Variants in CRY1 observed in about 807,000 individuals in gnomAD.
CRY1 encodes the protein cryptochrome circadian regulator 1.
In CRY1, 45 loss-of-function variants were observed where a neutral mutation model predicts 76.0. The observed-to-expected ratio is 0.59, with a 90% CI of 0.47 to 0.76. The LOEUF (loss-of-function observed/expected upper bound fraction) is 0.76, where lower values mean the gene tolerates loss of function less well. Ranked by LOEUF, CRY1 falls within the 30% of genes least tolerant of loss-of-function variation. CRY1 has a pLI of 0.00. For missense variants in CRY1, 587 were observed against 716.4 expected, an observed-to-expected ratio of 0.82 and a Z score of 2.06; for synonymous variants, 248 against 244.0, an observed-to-expected ratio of 1.02 and a Z score of -0.15.
chr12:107,001,795 C>A lies in CRY1; in HGVS notation c.564G>T (p.Glu188Asp), dbSNP rs1298408842. The A allele has an allele frequency of 6.4e-7, 1 of 1,572,400 alleles. No homozygotes were observed. Among genetic ancestry groups the A allele is most frequent in the Non-Finnish European group, 8.6e-7 (1 of 1,169,316 alleles). The stretch of plus-strand genomic sequence containing the variant: ...CTTCCAGTGAAGGGACTCCATATTT[C>A]TCATCATGGTCATCAGACAGAGGAG... ...CTTPLSDDHD[E>D]KYGVPSLEEL... Residue 188 changes from glutamate (E) to aspartate (D), a missense_variant, in exon 4 of 13, where the codon GAG becomes GAT. Transcript: ENST00000008527.
intron 1 of CRY1, among the ~76,000 whole-genome samples, chr12:107,032,915 G>A (rs776824959): frequency 2.0e-5 from 3 of 151,972 alleles, no homozygotes; most frequent in Non-Finnish European, 2.9e-5. Flanking sequence ...AAATGATAAA[G>A]AACAGAAATT....
intron 1 of CRY1, among the ~76,000 whole-genome samples, chr12:107,067,774 G>A (rs1367806195): frequency 6.6e-6 from 1 of 152,160 alleles, no homozygotes; most frequent in African/African-American, 2.4e-5. Flanking sequence ...ACAGGAGTCT[G>A]TGACAAGGCT....
At chr12:107,046,391 C>G (rs944865005) in intron 1 of CRY1, among the ~76,000 whole-genome samples, 3 of 151,646 alleles carry the variant, frequency 2.0e-5, no homozygotes, top group Admixed American at 2.0e-4. Context: ...ACTGGTAGAA[C>G]AGATAACACA....
intron 1 of CRY1, among the ~76,000 whole-genome samples, chr12:107,023,895 T>A (rs1435074499): frequency 6.6e-6 from 1 of 152,224 alleles, no homozygotes; most frequent in Non-Finnish European, 1.5e-5. Context: ...TATAAAAGCA[T>A]TGGAGTTTAA....
intron 1 of CRY1, among the ~76,000 whole-genome samples, chr12:107,057,643 A>G (rs1030476475): frequency 6.6e-6 from 1 of 152,068 alleles, no homozygotes; most frequent in African/African-American, 2.4e-5. Context: ...AGGTGGGAGG[A>G]TCACCTGAGT....
intron 2 of CRY1, among the ~76,000 whole-genome samples, chr12:107,012,281 C>CT (rs1952453470): frequency 6.6e-6 from 1 of 152,214 alleles, no homozygotes; most frequent in Non-Finnish European, 1.5e-5. Flanking sequence ...TAGCTGGTGA[C>CT]TTTAAGTTGA....
At chr12:107,059,113 T>C (rs1386660145) in intron 1 of CRY1, among the ~76,000 whole-genome samples, 2 of 152,204 alleles carry the variant, frequency 1.3e-5, no homozygotes, top group South Asian at 2.1e-4. Context: ...TTGGTGTATG[T>C]AACTAAAACA....
At chr12:107,063,144 T>C (rs925881133) in intron 1 of CRY1, among the ~76,000 whole-genome samples, 30 of 152,138 alleles carry the variant, frequency 2.0e-4, no homozygotes, top group Non-Finnish European at 4.1e-4. Context: ...AGACACCATT[T>C]TGGAGTCTTA....
intron 1 of CRY1, among the ~76,000 whole-genome samples, chr12:107,082,254 A>T (rs1328105994): frequency 6.6e-6 from 1 of 152,090 alleles, no homozygotes. Context: ...TAATAGTGGG[A>T]GACTTTAACA....
In CRY1 at chr12:107,016,886, C is replaced by T. The variant is rs137999135; in HGVS notation, c.267+5198G>A. Among the ~76,000 whole-genome samples the T allele has an allele frequency of 1.9e-3, 282 of 152,314 alleles. 4 individuals are homozygous for T. The highest frequency in any genetic ancestry group is 6.5e-3 in the African/African-American group (272 of 41,562). The stretch of plus-strand genomic sequence containing the variant: ...AGTCATCCTTGACTCTCATATATCA[C>T]ATATAGGCAAACCTTACAGCCTCTA... On this transcript the variant is annotated intron_variant, in intron 2 of 12. Coordinates refer to ENST00000008527, the MANE Select transcript of CRY1 (RefSeq NM_004075.5).
intron 1 of CRY1, chr12:107,043,154 A>G (rs953647209): frequency 2.0e-5 from 3 of 152,266 alleles, no homozygotes; most frequent in African/African-American, 7.2e-5. Flanking sequence ...AAGTGGTCCA[A>G]CATCCCCAAG....
At chr12:107,086,549 G>A (rs756589203) in intron 1 of CRY1, among the ~76,000 whole-genome samples, 5 of 152,194 alleles carry the variant, frequency 3.3e-5, no homozygotes, top group Non-Finnish European at 7.3e-5. Context: ...GCTGCCTTGT[G>A]CGGTCTTGAG....
chr12:107,040,143 C>T (rs957165017), intron 1 of CRY1, among the ~76,000 whole-genome samples: 7 of 152,002 alleles, frequency 4.6e-5, no homozygotes, highest in African/African-American at 1.7e-4. Flanking sequence ...GGTATATAAA[C>T]TGGTCAAACT....
At chr12:107,003,196 T>C (rs1320682053) in intron 3 of CRY1, among the ~76,000 whole-genome samples, 1 of 152,194 alleles carries the variant, frequency 6.6e-6, no homozygotes, top group Non-Finnish European at 1.5e-5. Context: ...AAATTTCAAG[T>C]TATTTAAATT....
chr12:107,085,477 G>C (rs1406353070), intron 1 of CRY1, among the ~76,000 whole-genome samples: 1 of 152,164 alleles, frequency 6.6e-6, no homozygotes, highest in Non-Finnish European at 1.5e-5. Flanking sequence ...GGAATATGAA[G>C]CAGCCATAAA....
rs71076707 is a variant in CRY1, at chr12:107,006,638, C to CGTTTTTTTTTTTTTTTTTTTTT, written c.268-1391_268-1390insAAAAAAAAAAAAAAAAAAAAAC. On this transcript the variant is annotated intron_variant, in intron 2 of 12. Transcript: ENST00000008527. Reference sequence around the variant, plus strand: ...CTTGCCAATAATATGTATTAGTAATCTTTTTTTTTTTTTTTTTTAGATGAC... The same window carrying CGTTTTTTTTTTTTTTTTTTTTT: ...CTTGCCAATAATATGTATTAGTAATCGTTTTTTTTTTTTTTTTTTTTTTTTTTTTTTTTTTTTTTTAGATGAC... Among the ~76,000 whole-genome samples, 7 of 137,108 alleles carry CGTTTTTTTTTTTTTTTTTTTTT rather than the reference C, an allele frequency of 5.1e-5. 1 individual carries two copies. Among genetic ancestry groups the CGTTTTTTTTTTTTTTTTTTTTT allele is most frequent in the African/African-American group, 2.8e-5 (1 of 36,072 alleles). 89.9% of individuals were successfully genotyped at this position (137,108 alleles called of 152,430 possible).
In CRY1 at chr12:107,058,214, A is replaced by T. The variant is rs987772334; in HGVS notation, c.158+34590T>A. Among the ~76,000 whole-genome samples the T allele has an allele frequency of 3.3e-5, 5 of 152,304 alleles. No homozygotes were observed. The East Asian group carries it at 9.6e-4, about 29-fold the overall frequency. ...AGCCTATAACTCAGAATAATATAAT[A>T]TTAATAAATGACAGAGAGAATGCAG... is the stretch of plus-strand genomic sequence containing the variant. On this transcript the variant is annotated intron_variant, in intron 1 of 12. Coordinates refer to ENST00000008527, the MANE Select transcript of CRY1 (RefSeq NM_004075.5).
rs115835674 is a variant in CRY1 at position 107,092,791 on chromosome 12, G to C, written c.158+13C>G. The C allele has an allele frequency of 1.2e-5, 19 of 1,611,042 alleles. No individual in the cohort carries two copies. Among genetic ancestry groups the C allele is most frequent in the Non-Finnish European group, 1.6e-5 (19 of 1,179,650 alleles). On this transcript the variant is annotated intron_variant, in intron 1 of 12. Coordinates refer to ENST00000008527, the MANE Select transcript of CRY1 (RefSeq NM_004075.5). Reference sequence around the variant, plus strand: ...AAACACCCAAATCCATTTCCCACGGGCTTGTGACTCACCGCCACCTGTTGA... The same window carrying C: ...AAACACCCAAATCCATTTCCCACGGCCTTGTGACTCACCGCCACCTGTTGA...
chr12:107,017,161 A>G (rs974679686), intron 2 of CRY1, among the ~76,000 whole-genome samples: 2 of 152,250 alleles, frequency 1.3e-5, no homozygotes, highest in African/African-American at 4.8e-5. Flanking sequence ...CACTCCGAGT[A>G]AAGGCTGAAG....
Sources: allele counts gnomAD v4.1 joint callset (sites outside exome capture counted in the v4.1 genomes callset), GRCh38; gene constraint gnomAD v4.1.1; transcripts MANE v1.5; gene names NCBI Gene and HGNC (gene_info 2026-07-23, HGNC 2026-07-21).